The following CSMD1 variants were observed in gnomAD, a reference collection of about 807,000 sequenced individuals.
The protein encoded by CSMD1 is CUB and sushi domain-containing protein 1.
In CSMD1, 213 loss-of-function variants were observed where a neutral mutation model predicts 417.5. The ratio of observed to expected loss-of-function variants is 0.51; its 90% CI spans 0.46 to 0.57. The LOEUF is 0.57. CSMD1 is among the 20% of genes least tolerant of loss of function. CSMD1 has a pLI of 0.00. For synonymous variants in CSMD1, 2,862 were observed against 1,736.8 expected, an observed-to-expected ratio of 1.65 and a Z score of -16.11; for missense variants, 6,923 against 4,529.7, an observed-to-expected ratio of 1.53 and a Z score of -15.17.
chr8:3,810,556 G>C (rs1003114904), intron 5 of CSMD1, among the ~76,000 whole-genome samples: 4 of 152,110 alleles, frequency 2.6e-5, no homozygotes, highest in African/African-American at 4.8e-5. Flanking sequence ...AATCAACCGA[G>C]GGTCAGTCTA....
intron 41 of CSMD1, among the ~76,000 whole-genome samples, chr8:3,120,706 G>T (rs554472602): frequency 1.1e-4 from 16 of 147,442 alleles, no homozygotes; most frequent in East Asian, 3.9e-4. Flanking sequence ...AATTAGCCAG[G>T]GGGGGTGACC....
At chr8:3,683,651 A>G (rs560707213) in intron 7 of CSMD1, among the ~76,000 whole-genome samples, 1 of 152,254 alleles carries the variant, frequency 6.6e-6, no homozygotes, top group African/African-American at 2.4e-5. Flanking sequence ...TTAATTTAAT[A>G]CCTATAATTA....
chr8:3,077,858 A>T lies in CSMD1; in HGVS notation c.7474+9239T>A, dbSNP rs186850074. Among the ~76,000 whole-genome samples the T allele has an allele frequency of 2.4e-4, 36 of 152,338 alleles. No individual in the cohort carries two copies. In the South Asian group the frequency reaches 4.1e-3, roughly 18 times the overall value. On this transcript the variant is annotated intron_variant, in intron 49 of 69. Transcript: ENST00000635120. ...TCAGCTGGTATCTTAAACTGCACAC[A>T]GGGCATTTCACTGTCTTTACTCCTC...
At chr8:3,378,769 G>A (rs1810465748) in intron 18 of CSMD1, among the ~76,000 whole-genome samples, 2 of 152,138 alleles carry the variant, frequency 1.3e-5, no homozygotes, top group African/African-American at 2.4e-5. Flanking sequence ...AGCTATTTAT[G>A]ACAAACCCAC....
rs188949904 is a variant in CSMD1, at chr8:3,277,842, G to T, written c.4153+6302C>A. Among the ~76,000 whole-genome samples, 15 of 152,212 alleles carry T rather than the reference G, an allele frequency of 9.9e-5. No individual in the cohort carries two copies. In the East Asian group the frequency reaches 2.9e-3, roughly 29 times the overall value. Reference sequence around the variant, plus strand: ...ATTGGGGGGATGAATTATGTCCAAGGGTTACATTAAACCACATGGAATTGC... The same window carrying T: ...ATTGGGGGGATGAATTATGTCCAAGTGTTACATTAAACCACATGGAATTGC... On this transcript the variant is annotated intron_variant, in intron 26 of 69. Coordinates refer to ENST00000635120, the MANE Select transcript of CSMD1 (RefSeq NM_033225.6).
chr8:4,408,268 AAT>A (rs1303181772), intron 3 of CSMD1, among the ~76,000 whole-genome samples: 1 of 152,192 alleles, frequency 6.6e-6, no homozygotes, highest in African/African-American at 2.4e-5. Flanking sequence ...GATATGAAAG[AAT>A]ATAAGGTTAT....
In CSMD1 at chr8:4,444,346, C is replaced by CAAAAAAAAAAAAAAAAA. The variant is rs112028005; in HGVS notation, c.303-24298_303-24282dup. On this transcript the variant is annotated intron_variant, in intron 2 of 69. Transcript: ENST00000635120. ...TGGGCTACAGAGTGAGACTCCATCTCAAAAAAAAAAAAAAAAAAAAAAAAA... is the reference window on the plus strand; with the variant it reads ...TGGGCTACAGAGTGAGACTCCATCTCAAAAAAAAAAAAAAAAAAAAAAAAAAAAAAAAAAAAAAAAAA... Among the ~76,000 whole-genome samples, 28 of 46,272 alleles carry CAAAAAAAAAAAAAAAAA rather than the reference C, an allele frequency of 6.1e-4. 5 individuals carry two copies. Among genetic ancestry groups the CAAAAAAAAAAAAAAAAA allele is most frequent in the African/African-American group, 1.5e-3 (21 of 14,098 alleles). 30.4% of individuals were successfully genotyped at this position (46,272 alleles called of 152,430 possible). A position where few individuals can be genotyped will look rare whatever the true frequency, so the allele number is the denominator to read the frequency against.
At chr8:4,945,640 A>T (rs954544071) in intron 1 of CSMD1, among the ~76,000 whole-genome samples, 26 of 152,192 alleles carry the variant, frequency 1.7e-4, no homozygotes, top group African/African-American at 6.3e-4. Flanking sequence ...TAAAGTTTGA[A>T]TATTTGAATT....
chr8:3,877,062 C>G (rs182206925), intron 5 of CSMD1, among the ~76,000 whole-genome samples: 24 of 152,208 alleles, frequency 1.6e-4, no homozygotes, highest in Admixed American at 6.5e-5. Context: ...GTCGTAACCA[C>G]AATGTCTTAA....
intron 1 of CSMD1, among the ~76,000 whole-genome samples, chr8:4,774,052 C>G (rs2407593): frequency 0.53 from 80,790 of 151,794 alleles, 21,777 homozygotes; most frequent in Admixed American, 0.66. Context: ...AAAATATTAG[C>G]TGGGCATGGC....
intron 5 of CSMD1, among the ~76,000 whole-genome samples, chr8:3,836,331 G>C (rs1585067378): frequency 6.6e-6 from 1 of 152,106 alleles, no homozygotes; most frequent in South Asian, 2.1e-4. Flanking sequence ...GGGTTTACTT[G>C]ACAAAGATCT....
chr8:3,621,231 G>A (rs1258668613), intron 7 of CSMD1, among the ~76,000 whole-genome samples: 1 of 152,248 alleles, frequency 6.6e-6, no homozygotes, highest in African/African-American at 2.4e-5. Flanking sequence ...TTTTTTTATG[G>A]CAGCCCTCGA....
At chr8:4,859,345 C>G (rs1358516713) in intron 1 of CSMD1, among the ~76,000 whole-genome samples, 1 of 152,136 alleles carries the variant, frequency 6.6e-6, no homozygotes, top group Non-Finnish European at 1.5e-5. Context: ...CCATTCAGGA[C>G]ATAGGCATGG....
intron 3 of CSMD1, among the ~76,000 whole-genome samples, chr8:4,142,435 C>T (rs117996621): frequency 6.6e-6 from 1 of 150,768 alleles, no homozygotes; most frequent in Non-Finnish European, 1.5e-5. Flanking sequence ...CATAACAGAA[C>T]TAGTTTCCCT....
At chr8:4,754,943 C>T (rs1291591631) in intron 1 of CSMD1, among the ~76,000 whole-genome samples, 1 of 151,978 alleles carries the variant, frequency 6.6e-6, no homozygotes, top group African/African-American at 2.4e-5. Context: ...TCGAAACCAG[C>T]CTGGCCAACA....
At chr8:3,997,867 C>T (rs771629551) in intron 5 of CSMD1, 36 bp downstream of exon 5, 7 of 1,575,136 alleles carry the variant, frequency 4.4e-6, no homozygotes, top group Middle Eastern at 1.7e-4. Flanking sequence ...GGAAAACACA[C>T]CTGTATCCTT....
intron 5 of CSMD1, among the ~76,000 whole-genome samples, chr8:3,897,991 G>T (rs760692981): frequency 3.9e-5 from 6 of 152,112 alleles, no homozygotes; most frequent in African/African-American, 1.4e-4. Context: ...GAGAACTGGA[G>T]AGCTCCTAGG....
intron 2 of CSMD1, among the ~76,000 whole-genome samples, chr8:4,608,570 C>A (rs780463149): frequency 6.6e-6 from 1 of 152,196 alleles, no homozygotes; most frequent in Non-Finnish European, 1.5e-5. Flanking sequence ...GCTCCATCGT[C>A]AAGATAAGGG....
intron 1 of CSMD1, among the ~76,000 whole-genome samples, chr8:4,978,806 C>T (rs1810709885): frequency 1.3e-5 from 2 of 152,102 alleles, no homozygotes. Context: ...GGCATGGTGG[C>T]AGGTGCCTGT....
Sources: allele counts gnomAD v4.1 joint callset (sites outside exome capture counted in the v4.1 genomes callset), GRCh38; gene constraint gnomAD v4.1.1; transcripts MANE v1.5; gene names NCBI Gene and HGNC (gene_info 2026-07-23, HGNC 2026-07-21).